Variants in ERG observed in about 807,000 individuals in gnomAD.
ERG encodes ETS transcription factor ERG, also known as transcriptional regulator ERG.
A neutral mutation model predicts 55.3 loss-of-function variants in ERG; 9 were observed. The observed-to-expected ratio is 0.16, with a 90% CI of 0.10 to 0.28. ERG has a LOEUF of 0.28. ERG is among the 10% of genes least tolerant of loss of function. The pLI, the probability that ERG is intolerant of heterozygous loss-of-function variation, is 1.00. For synonymous variants in ERG, 223 were observed against 237.3 expected, an observed-to-expected ratio of 0.94 and a Z score of 0.55; for missense variants, 434 against 631.6, an observed-to-expected ratio of 0.69 and a Z score of 3.35.
At chr21:38,398,150 T>A (rs540444429) in intron 6 of ERG, among the ~76,000 whole-genome samples, 1 of 152,164 alleles carries the variant, frequency 6.6e-6, no homozygotes, top group African/African-American at 2.4e-5. Context: ...GTGACCTCCC[T>A]CTGGAGCTCG....
chr21:38,484,234 C>T (rs1015967590), intron 1 of ERG, among the ~76,000 whole-genome samples: 12 of 152,104 alleles, frequency 7.9e-5, no homozygotes, highest in African/African-American at 2.9e-4. Context: ...CAAAGTGCTG[C>T]AATTACATGT....
intron 1 of ERG, among the ~76,000 whole-genome samples, chr21:38,632,179 C>A (rs1308488676): frequency 6.6e-6 from 1 of 151,942 alleles, no homozygotes; most frequent in East Asian, 1.9e-4. Context: ...AGCTGACTAA[C>A]CTTTCTTTGC....
At chr21:38,583,664 C>G (rs2060044058) in intron 1 of ERG, among the ~76,000 whole-genome samples, 1 of 152,134 alleles carries the variant, frequency 6.6e-6, no homozygotes, top group Admixed American at 6.5e-5. Context: ...GAGGTAGGGC[C>G]TTTACAGAGG....
At position 38,382,639 on chromosome 21, in the gene ERG, C is replaced by T. The variant is rs892865611; in HGVS notation, c.*764G>A. On this transcript the variant is annotated 3_prime_UTR_variant, in exon 10 of 10. Transcript: ENST00000288319. The stretch of plus-strand genomic sequence containing the variant: ...AATGTCCTGAGTCCAGTCTTCATTG[C>T]TTGAGAAGTTTCTTTCCCAGCCCTG... The T allele has an allele frequency of 1.9e-6, 2 of 1,066,752 alleles. No individual in the cohort carries two copies. The highest frequency in any genetic ancestry group is 1.1e-4 in the Admixed American group (2 of 18,750). The allele number at this position is 1,066,752 out of a possible 1,614,324, so 66.1% of individuals were successfully genotyped here.
intron 1 of ERG, among the ~76,000 whole-genome samples, chr21:38,472,327 T>G (rs1569125945): frequency 6.6e-6 from 1 of 152,198 alleles, no homozygotes; most frequent in Non-Finnish European, 1.5e-5. Context: ...CTAGCCATTA[T>G]GTAAAGTCAA....
chr21:38,503,742 G>A (rs1395654864), intron 2 of ERG, among the ~76,000 whole-genome samples: 1 of 152,130 alleles, frequency 6.6e-6, no homozygotes, highest in Non-Finnish European at 1.5e-5. Context: ...GATGTCCCAG[G>A]GGTTTTTGCC....
intron 3 of ERG, among the ~76,000 whole-genome samples, chr21:38,418,270 A>AGTGGGTGTGT (rs369365038): frequency 7.7e-6 from 1 of 130,336 alleles, no homozygotes; most frequent in African/African-American, 2.7e-5. Context: ...AACATTTGGA[A>AGTGGGTGTGT]GTGTGTGTGT....
intron 2 of ERG, among the ~76,000 whole-genome samples, chr21:38,510,149 C>T (rs953901777): frequency 1.2e-4 from 18 of 152,206 alleles, no homozygotes; most frequent in Admixed American, 9.2e-4. Context: ...GTGGGATTCT[C>T]CCCAAACATC....
At chr21:38,373,633 G>T in the ERG span, among the ~76,000 whole-genome samples, 2 of 152,176 alleles carry the variant, frequency 1.3e-5, no homozygotes, top group Non-Finnish European at 2.9e-5. Flanking sequence ...CATGTTTTAA[G>T]ATGTATATTA....
chr21:38,421,581 T>A (rs1457455042), intron 3 of ERG, among the ~76,000 whole-genome samples: 2 of 152,182 alleles, frequency 1.3e-5, no homozygotes. Context: ...GCCATCACAC[T>A]TCGCAGATAT....
rs748396919 is a variant in ERG, at chr21:38,383,294, T to A, written c.*109A>T. 3.7e-6 allele frequency: 5 copies of A among 1,334,356 alleles called. No individual in the cohort carries two copies. Among genetic ancestry groups the A allele is most frequent in the Non-Finnish European group, 4.8e-6 (5 of 1,038,736 alleles). 82.7% of individuals were successfully genotyped at this position (1,334,356 alleles called of 1,614,324 possible). ...CCCCGGCTTCCTTCCCCAGCCCCAG[T>A]AAAGCTTTTTTCATTCCTCTTGAGG... On this transcript the variant is annotated 3_prime_UTR_variant, in exon 10 of 10. Transcript: ENST00000288319. This position sits in a 1 kb window ranked among gnomAD's most constrained non-coding sequence, Gnocchi z 5.7.
In ERG at chr21:38,380,447, A is replaced by C. The variant is rs538379315; in HGVS notation, c.*2956T>G. 3.8e-6 allele frequency: 4 copies of C among 1,064,280 alleles called. No homozygotes were observed. The African/African-American group carries it at 6.5e-5, about 17-fold the overall frequency. 65.9% of individuals were successfully genotyped at this position (1,064,280 alleles called of 1,614,324 possible). Reference sequence around the variant, plus strand: ...TTGACTGTGATTTGGTGATTTTACCACATACAAGGCCCGAAAGCCAATTGA... The same window carrying C: ...TTGACTGTGATTTGGTGATTTTACCCCATACAAGGCCCGAAAGCCAATTGA... On this transcript the variant is annotated 3_prime_UTR_variant, in exon 10 of 10. Transcript: ENST00000288319.
chr21:38,442,968 C>T (rs1158385452), intron 2 of ERG, among the ~76,000 whole-genome samples: 1 of 152,052 alleles, frequency 6.6e-6, no homozygotes, highest in African/African-American at 2.4e-5. Context: ...CCACCACGCC[C>T]GGCTAATTTT....
chr21:38,638,401 G>C, intron 1 of ERG, among the ~76,000 whole-genome samples: 1 of 152,208 alleles, frequency 6.6e-6, no homozygotes, highest in Non-Finnish European at 1.5e-5. Context: ...CCCCGTGGTA[G>C]AATGCAGCAC....
intron 2 of ERG, among the ~76,000 whole-genome samples, chr21:38,523,270 C>T (rs1368718353): frequency 2.0e-5 from 3 of 152,136 alleles, no homozygotes; most frequent in African/African-American, 7.2e-5. Flanking sequence ...GAGCTTTCGA[C>T]TTTTTTAAAT....
chr21:38,613,553 A>G (rs2060241058), intron 1 of ERG, among the ~76,000 whole-genome samples: 1 of 152,234 alleles, frequency 6.6e-6, no homozygotes. Context: ...TGCAGACATC[A>G]GCAAATGACA....
chr21:38,466,134 T>C (rs2836423), intron 1 of ERG, among the ~76,000 whole-genome samples: 24,194 of 152,144 alleles, frequency 0.16, 2,722 homozygotes, highest in East Asian at 0.33. Context: ...GAGACTTTAA[T>C]GTTATATTGA....
chr21:38,454,139 C>T (rs2058966742), intron 1 of ERG, among the ~76,000 whole-genome samples: 1 of 152,112 alleles, frequency 6.6e-6, no homozygotes, highest in South Asian at 2.1e-4. Context: ...TTCATCAAAA[C>T]CCTTTTCCTT....
chr21:38,471,036 G>C (rs1159817476), intron 1 of ERG: 2 of 152,108 alleles, frequency 1.3e-5, no homozygotes, highest in East Asian at 3.9e-4. Context: ...TATTCATTAC[G>C]GTTTAGTTCA....
Sources: allele counts gnomAD v4.1 joint callset (sites outside exome capture counted in the v4.1 genomes callset), GRCh38; gene constraint gnomAD v4.1.1; non-coding constraint Gnocchi (gnomAD v3.1); transcripts MANE v1.5; gene names NCBI Gene and HGNC (gene_info 2026-07-23, HGNC 2026-07-21).